Variants in SHTN1 observed in about 807,000 individuals in gnomAD.
SHTN1 encodes shootin 1, also known as shootin-1.
In SHTN1, 42 loss-of-function variants were observed where a neutral mutation model predicts 83.1. That is an observed-to-expected ratio of 0.51 (90% CI 0.39 to 0.65). The LOEUF (loss-of-function observed/expected upper bound fraction) is 0.65, where lower values mean the gene tolerates loss of function less well. SHTN1 is among the 30% of genes least tolerant of loss of function. The pLI is 0.00. For missense variants in SHTN1, 622 were observed against 737.8 expected, an observed-to-expected ratio of 0.84 and a Z score of 1.82; for synonymous variants, 224 against 247.7, an observed-to-expected ratio of 0.90 and a Z score of 0.90.
chr10:117,109,553 C>CTTTTT (rs374713015), intron 1 of SHTN1, among the ~76,000 whole-genome samples: 9,789 of 42,708 alleles, frequency 0.23, 4,631 homozygotes, highest in South Asian at 0.28. Flanking sequence ...ACATATATTA[C>CTTTTT]TTTTTTTTTT....
intron 1 of SHTN1, among the ~76,000 whole-genome samples, chr10:116,991,201 A>G (rs923768472): frequency 6.6e-5 from 10 of 151,538 alleles, no homozygotes; most frequent in African/African-American, 2.2e-4. Flanking sequence ...AGAAAAAAAA[A>G]GAAGGGCTTC....
chr10:117,013,869 C>T (rs747853972), intron 2 of SHTN1, among the ~76,000 whole-genome samples: 1 of 152,152 alleles, frequency 6.6e-6, no homozygotes, highest in African/African-American at 2.4e-5. Flanking sequence ...GCCAAGATGT[C>T]CCTCAATAGG....
chr10:117,107,922 C>A (rs1776284386), intron 1 of SHTN1, among the ~76,000 whole-genome samples: 1 of 152,142 alleles, frequency 6.6e-6, no homozygotes, highest in Admixed American at 6.6e-5. Context: ...AACTCCTGGA[C>A]TCAAGCGATC....
At chr10:116,944,851 A>C in intron 8 of SHTN1, 73 bp downstream of exon 8, 1 of 927,110 alleles carries the variant, frequency 1.1e-6, no homozygotes. Context: ...AGATTGCGCC[A>C]CTGCACTCCA....
chr10:116,970,113 C>G (rs1230878416), intron 2 of SHTN1, among the ~76,000 whole-genome samples: 1 of 152,048 alleles, frequency 6.6e-6, no homozygotes, highest in Non-Finnish European at 1.5e-5. Flanking sequence ...ATGAGATAGT[C>G]TCACCTATCG....
At chr10:116,900,414 A>G in intron 16 of SHTN1, 1 of 836,782 alleles carries the variant, frequency 1.2e-6, no homozygotes, top group Middle Eastern at 2.2e-4. Context: ...TTCAACACAT[A>G]TTTTGCAGAC....
intron 12 of SHTN1, among the ~76,000 whole-genome samples, chr10:116,921,138 CA>C (rs1048525864): frequency 1.3e-5 from 2 of 152,144 alleles, no homozygotes; most frequent in Non-Finnish European, 2.9e-5. Context: ...AGTCTTGCCC[CA>C]AATCCCTCAT....
intron 13 of SHTN1, among the ~76,000 whole-genome samples, chr10:116,914,572 G>A (rs1025037620): frequency 3.3e-5 from 5 of 152,106 alleles, no homozygotes; most frequent in African/African-American, 1.2e-4. Flanking sequence ...CCTTGAGAGG[G>A]AGAAAGAACC....
At chr10:116,950,854 AC>A (rs1246503394) in intron 6 of SHTN1, among the ~76,000 whole-genome samples, 1 of 152,110 alleles carries the variant, frequency 6.6e-6, no homozygotes, top group African/African-American at 2.4e-5. Context: ...CTGCTTTCCA[AC>A]CTTTTTTACA....
intron 15 of SHTN1, among the ~76,000 whole-genome samples, chr10:116,904,670 A>C (rs1022987203): frequency 9.2e-5 from 14 of 152,292 alleles, no homozygotes; most frequent in Admixed American, 3.3e-4. Flanking sequence ...AATTCCCACC[A>C]TGTTCATGAA....
At chr10:117,020,183 C>T (rs1852238844) in intron 2 of SHTN1, among the ~76,000 whole-genome samples, 1 of 152,054 alleles carries the variant, frequency 6.6e-6, no homozygotes, top group South Asian at 2.1e-4. Flanking sequence ...AAAAGACTTA[C>T]AGGTCAATAG....
At chr10:116,923,800 C>G (rs1848645768) in intron 11 of SHTN1, among the ~76,000 whole-genome samples, 1 of 152,188 alleles carries the variant, frequency 6.6e-6, no homozygotes, top group Non-Finnish European at 1.5e-5. Flanking sequence ...ATCTTCCTGC[C>G]TTGGCCTCCC....
chr10:117,108,824 G>A (rs1386609749), intron 1 of SHTN1, among the ~76,000 whole-genome samples: 1 of 152,162 alleles, frequency 6.6e-6, no homozygotes, highest in African/African-American at 2.4e-5. Flanking sequence ...AAACAGAGAG[G>A]TGAAAAAAGT....
At chr10:117,079,861 T>C (rs1432386903) in intron 1 of SHTN1, among the ~76,000 whole-genome samples, 1 of 148,936 alleles carries the variant, frequency 6.7e-6, no homozygotes, top group Non-Finnish European at 1.5e-5. Context: ...GTTCATGTCC[T>C]TCGCCCACTT....
At chr10:116,924,665 C>T (rs2133369844) in intron 11 of SHTN1, among the ~76,000 whole-genome samples, 1 of 151,228 alleles carries the variant, frequency 6.6e-6, no homozygotes, top group Non-Finnish European at 1.5e-5. Flanking sequence ...TGCCCCATTT[C>T]ACTGTCATTT....
intron 2 of SHTN1, among the ~76,000 whole-genome samples, chr10:117,048,111 A>G (rs1174397399): frequency 2.0e-5 from 3 of 152,146 alleles, no homozygotes; most frequent in African/African-American, 7.2e-5. Flanking sequence ...AAGTCATCAC[A>G]TATATAAACA....
intron 1 of SHTN1, among the ~76,000 whole-genome samples, chr10:117,109,174 C>T (rs1017876287): frequency 6.6e-6 from 1 of 152,260 alleles, no homozygotes; most frequent in Middle Eastern, 3.4e-3. Flanking sequence ...TTGGTCCCAC[C>T]CCTAGAATTT....
intron 5 of SHTN1, among the ~76,000 whole-genome samples, chr10:116,953,217 G>A (rs1275584733): frequency 6.6e-6 from 1 of 152,144 alleles, no homozygotes; most frequent in African/African-American, 2.4e-5. Context: ...AAATAAACAT[G>A]TGTATGAGTA....
chr10:116,949,584 C>A (rs1378651037), intron 6 of SHTN1, among the ~76,000 whole-genome samples: 1 of 152,184 alleles, frequency 6.6e-6, no homozygotes, highest in Non-Finnish European at 1.5e-5. Context: ...TTAATGGGTG[C>A]AGCACACCAA....
Sources: gnomAD v4.1 joint callset for allele counts (sites outside exome capture counted in the v4.1 genomes callset) on GRCh38, gnomAD v4.1.1 for gene constraint, MANE v1.5 for transcripts, NCBI Gene and HGNC (gene_info 2026-07-23, HGNC 2026-07-21) for gene names.